GNL3: variants seen among roughly 807,000 people sequenced by gnomAD.
The protein encoded by GNL3 is G protein nucleolar 3, also known as guanine nucleotide-binding protein-like 3.
GNL3 carries 77 observed loss-of-function variants against 70.6 expected under a neutral mutation model. The observed-to-expected ratio is 1.09, with a 90% CI of 0.91 to 1.32. The LOEUF (loss-of-function observed/expected upper bound fraction) is 1.32, where lower values mean the gene tolerates loss of function less well. GNL3 is among the 40% of genes most tolerant of loss of function. The pLI is 0.00. For synonymous variants in GNL3, 252 were observed against 216.1 expected (o/e 1.17, Z -1.46); for missense variants, 634 against 644.0 (o/e 0.98, Z 0.17).
chr3:52,688,242 CTCAAG>C (rs779246327), intron 5 of GNL3, 50 bp downstream of exon 5: 2 of 1,074,742 alleles, frequency 1.9e-6, no homozygotes, highest in African/African-American at 1.8e-5. Flanking sequence ...GTTTAAAAGA[CTCAAG>C]TCATTTTTTT....
Position 52,694,093 on chromosome 3 carries a change from G to A in GNL3, c.1557G>A (p.Glu519=), listed in dbSNP as rs1332334942. ...AGACAGGGGAGGCACTGTCTGAGGAGACTACAGCAGGTGAGGCAGGCAAAA... is the reference window on the plus strand; with the variant it reads ...AGACAGGGGAGGCACTGTCTGAGGAAACTACAGCAGGTGAGGCAGGCAAAA... ...AEETGEALSE[E]TTAGEQSTRS... Residue 519 remains glutamate, a synonymous_variant, in exon 14 of 15, where the codon GAG becomes GAA. Transcript: ENST00000418458. 6.2e-7 allele frequency: 1 copy of A among 1,613,034 alleles called. No homozygotes were observed. Among genetic ancestry groups the A allele is most frequent in the Admixed American group, 1.7e-5 (1 of 60,030 alleles).
chr3:52,688,933 A>G, intron 5 of GNL3, 141 bp from the exon 6 acceptor site: 1 of 691,920 alleles, frequency 1.4e-6, no homozygotes, highest in East Asian at 2.5e-5. Flanking sequence ...AAGTGAAGAC[A>G]TGAGATCCAA....
At chr3:52,694,142 T>C (rs1441325098) in intron 14 of GNL3, 39 bp downstream of exon 14, 1 of 1,588,730 alleles carries the variant, frequency 6.3e-7, no homozygotes, top group Non-Finnish European at 8.6e-7. Context: ...AGCAGCATGG[T>C]ATAGAATCAC....
intron 9 of GNL3, 157 bp from the exon 10 acceptor site, chr3:52,692,715 A>G: frequency 1.3e-6 from 1 of 766,378 alleles, no homozygotes; most frequent in Non-Finnish European, 2.4e-6. Context: ...ACAGTCGGGT[A>G]TGCTGTTACA....
rs1191206274 is a variant in GNL3 at position 52,689,180 on chromosome 3, A to G, written c.515A>G (p.Lys172Arg). Reference sequence around the variant, plus strand: ...GCCATTGTCCAGAGTGGACAGAAAAAGCTGGTACTTATATTAAATAAATCA... The same window carrying G: ...GCCATTGTCCAGAGTGGACAGAAAAGGCTGGTACTTATATTAAATAAATCA... The part of the protein sequence containing the change: ...EEAIVQSGQK[K>R]LVLILNKSDL... The change falls in exon 6 of 15, where the codon AAG (lysine) becomes AGG (arginine). Residue 172 changes from lysine (K) to arginine (R), a missense_variant. Lys to Arg is a conservative substitution (Grantham distance 26). Transcript: ENST00000418458. 1 of 1,613,460 alleles carries G rather than the reference A, an allele frequency of 6.2e-7. No individual in the cohort carries two copies. Among genetic ancestry groups the G allele is most frequent in the African/African-American group, 1.3e-5 (1 of 74,906 alleles).
rs772280295 is a variant in GNL3 at position 52,686,803 on chromosome 3, T to C, written c.48T>C (p.His16=). 1 of 1,612,718 alleles carries C rather than the reference T, an allele frequency of 6.2e-7. No individual in the cohort carries two copies. Residue 16 remains histidine (H), a synonymous_variant, in exon 2 of 15, where the codon CAT becomes CAC. Transcript: ENST00000418458. ...LKKASKRMTC[H]KRYKIQKKVR... ...AAGCAAGTAAACGCATGACCTGCCA[T>C]AAGCGGTATAAAATCCAAAAAAAGG...
intron 9 of GNL3, among the ~76,000 whole-genome samples, chr3:52,692,369 A>ACCTTGTTTTTTTTTTTT (rs71087009): frequency 7.9e-6 from 1 of 126,412 alleles, no homozygotes; most frequent in Non-Finnish European, 1.6e-5. Context: ...CAACTTTTAG[A>ACCTTGTTTTTTTTTTTT]TTTTTTTTTT....
chr3:52,694,465 C>T lies in GNL3; in HGVS notation c.*190C>T, dbSNP rs1372894113. 15 of 576,774 alleles carry T rather than the reference C, an allele frequency of 2.6e-5. No homozygotes were observed. The highest frequency in any genetic ancestry group is 4.6e-5 in the Non-Finnish European group (15 of 325,944). 35.7% of individuals were successfully genotyped at this position (576,774 alleles called of 1,614,324 possible). A position where few individuals can be genotyped will look rare whatever the true frequency, so the allele number is the denominator to read the frequency against. On this transcript the variant is annotated 3_prime_UTR_variant, in exon 15 of 15. Transcript: ENST00000418458. ...TCTCATTGTGAGTGGAAGTAGTTATCTGGAATAAAAAAAGAAGATACCTAT... is the reference window on the plus strand; with the variant it reads ...TCTCATTGTGAGTGGAAGTAGTTATTTGGAATAAAAAAAGAAGATACCTAT...
chr3:52,686,715 T>C (rs1320204635), intron 1 of GNL3, 54 bp from the exon 2 acceptor site: 2 of 1,356,846 alleles, frequency 1.5e-6, no homozygotes, highest in Non-Finnish European at 2.1e-6. Context: ...CCATAGTGCG[T>C]TAACCCAGAA....
chr3:52,688,808 G>A lies in GNL3; in HGVS notation c.409-266G>A, dbSNP rs145904022. 151 of 465,602 alleles carry A rather than the reference G, an allele frequency of 3.2e-4. 1 individual carries two copies. The highest frequency in any genetic ancestry group is 2.5e-3 in the African/African-American group (128 of 50,762). The allele number at this position is 465,602 out of a possible 1,614,324, so 28.8% of individuals were successfully genotyped here. On this transcript the variant is annotated intron_variant, in intron 5 of 14. Transcript: ENST00000418458. ...CAAACTATATAATTCACTATGGGAG[G>A]ATTCAGACAGGGATATTTGCATTTT...
At chr3:52,687,642 G>A (rs772702433) in intron 4 of GNL3, 27 bp downstream of exon 4, 1 of 1,391,572 alleles carries the variant, frequency 7.2e-7, no homozygotes, top group East Asian at 2.3e-5. Flanking sequence ...TTATGAATGA[G>A]AGATCAGGGG....
In GNL3 at chr3:52,692,369, A is replaced by ACTTTTTT. The variant is rs71087009; in HGVS notation, c.870-503_870-502insCTTTTTT. On this transcript the variant is annotated intron_variant, in intron 9 of 14. Coordinates refer to ENST00000418458, the MANE Select transcript of GNL3 (RefSeq NM_014366.5). ...GCCACTGTGCCTGGCCAACTTTTAGATTTTTTTTTTTTGGGAGATGGAGTC... is the reference window on the plus strand; with the variant it reads ...GCCACTGTGCCTGGCCAACTTTTAGACTTTTTTTTTTTTTTTTTTGGGAGATGGAGTC... Among the ~76,000 whole-genome samples the ACTTTTTT allele has an allele frequency of 7.9e-4, 100 of 126,404 alleles. 2 individuals are homozygous for ACTTTTTT. The highest frequency in any genetic ancestry group is 4.7e-3 in the East Asian group (20 of 4,254). The allele number at this position is 126,404 out of a possible 152,430, so 82.9% of individuals were successfully genotyped here.
chr3:52,691,500 C>A, intron 8 of GNL3, 42 bp from the exon 9 acceptor site: 2 of 1,141,368 alleles, frequency 1.8e-6, no homozygotes, highest in African/African-American at 1.5e-5. Flanking sequence ...TAAGTGCCAA[C>A]ATATAATGCT....
At chr3:52,690,762 G>A in intron 7 of GNL3, 58 bp downstream of exon 7, 3 of 1,180,426 alleles carry the variant, frequency 2.5e-6, no homozygotes, top group East Asian at 4.7e-5. Context: ...GAAATATGAT[G>A]AGTGTACAAA....
At chr3:52,687,209 AT>A (rs1315784288) in intron 2 of GNL3, 36 bp from the exon 3 acceptor site, 3 of 1,561,092 alleles carry the variant, frequency 1.9e-6, no homozygotes, top group Non-Finnish European at 2.6e-6. Context: ...GTATAAAGAT[AT>A]TTTTGTAAGC....
At chr3:52,686,333 G>T (rs541620248) in intron 1 of GNL3, 27 of 601,362 alleles carry the variant, frequency 4.5e-5, no homozygotes, top group African/African-American at 3.9e-4. Flanking sequence ...AGAGGGTGGG[G>T]AAGACTAGGC....
chr3:52,687,371 A>G lies in GNL3; in HGVS notation c.198A>G (p.Leu66=), dbSNP rs775884556. 7 of 1,613,758 alleles carry G rather than the reference A, an allele frequency of 4.3e-6. No homozygotes were observed. The South Asian group carries it at 4.4e-5, about 10-fold the overall frequency. ...FKEALLREAE[L]RKQRLEELKQ... is the part of the protein sequence containing the mutation. ...AGGCTCTTCTTAGGGAAGCTGAGCT[A>G]AGGAAACAGAGGGTAAGTTATGTTA... Residue 66 remains leucine (L), a synonymous_variant, in exon 3 of 15, where the codon CTA becomes CTG. Transcript: ENST00000418458.
At chr3:52,691,378 A>C (rs2097327070) in intron 8 of GNL3, 164 bp from the exon 9 acceptor site, 1 of 639,958 alleles carries the variant, frequency 1.6e-6, no homozygotes, top group African/African-American at 1.9e-5. Flanking sequence ...TTACTTGTGC[A>C]AGAAATGAAG....
intron 5 of GNL3, 109 bp downstream of exon 5, chr3:52,688,301 T>C (rs1254570889): frequency 1.5e-6 from 1 of 670,496 alleles, no homozygotes; most frequent in South Asian, 1.7e-5. Flanking sequence ...GTTTGTTATA[T>C]GGGTAAACTT....
Sources: gnomAD v4.1 joint callset for allele counts (sites outside exome capture counted in the v4.1 genomes callset) on GRCh38, gnomAD v4.1.1 for gene constraint, MANE v1.5 for transcripts, NCBI Gene and HGNC (gene_info 2026-07-23, HGNC 2026-07-21) for gene names.